Variants in MBNL2 observed in about 807,000 individuals in gnomAD.
The protein encoded by MBNL2 is muscleblind like splicing regulator 2.
A neutral mutation model predicts 41.9 loss-of-function variants in MBNL2; 17 were observed. That is an observed-to-expected ratio of 0.41 (90% CI 0.28 to 0.61). The LOEUF is 0.61. Among genes scored for constraint, MBNL2 ranks in the 20% least tolerant of loss-of-function variants. MBNL2 has a pLI of 0.35. For missense variants in MBNL2, 336 were observed against 505.6 expected (o/e 0.66, Z 3.22); for synonymous variants, 195 against 182.9 (o/e 1.07, Z -0.53).
chr13:97,284,797 C>G (rs1277333638), intron 2 of MBNL2, among the ~76,000 whole-genome samples: 1 of 152,156 alleles, frequency 6.6e-6, no homozygotes, highest in African/African-American at 2.4e-5. Flanking sequence ...TCCATGATTA[C>G]AACATTCTTT....
intron 5 of MBNL2, among the ~76,000 whole-genome samples, chr13:97,350,125 A>C (rs143417077): frequency 3.2e-4 from 48 of 152,350 alleles, no homozygotes; most frequent in African/African-American, 1.1e-3. Context: ...GAGTATCACA[A>C]TAGAACAAAT....
At chr13:97,229,153 C>G (rs770898154) in intron 1 of MBNL2, among the ~76,000 whole-genome samples, 1 of 147,686 alleles carries the variant, frequency 6.8e-6, no homozygotes. Context: ...TAGATGCAAG[C>G]TTCAATTAAT....
In MBNL2 at chr13:97,268,953, C is replaced by T. The variant is rs1178578574; in HGVS notation, c.-604-6679C>T. On this transcript the variant is annotated intron_variant, in intron 1 of 8. Coordinates refer to ENST00000679496, the MANE Select transcript of MBNL2 (RefSeq NM_001382683.1). The surrounding 1 kb of genome is among the most constrained non-coding windows in gnomAD (Gnocchi z 4.6). ...AAGGGAAAGGACGAAGGAGGGGGCG[C>T]TGTTCCGGATGCAGGCCCGTGAGGA... 6.6e-6 allele frequency among the ~76,000 whole-genome samples: 1 copy of T among 152,176 alleles called. No homozygotes were observed. Among genetic ancestry groups the T allele is most frequent in the Non-Finnish European group, 1.5e-5 (1 of 68,026 alleles).
At chr13:97,199,212 C>T in the MBNL2 span, among the ~76,000 whole-genome samples, 1 of 152,192 alleles carries the variant, frequency 6.6e-6, no homozygotes, top group South Asian at 2.1e-4. Flanking sequence ...GAACTGGCTC[C>T]CTTACATCGT....
At chr13:97,251,060 A>G (rs1480545945) in intron 1 of MBNL2, among the ~76,000 whole-genome samples, 1 of 151,804 alleles carries the variant, frequency 6.6e-6, no homozygotes, top group Non-Finnish European at 1.5e-5. Flanking sequence ...GATTTGGTGC[A>G]GCTACTGGGC....
the MBNL2 span, among the ~76,000 whole-genome samples, chr13:97,174,917 C>T: frequency 2.0e-5 from 3 of 152,234 alleles, no homozygotes; most frequent in East Asian, 5.8e-4. Context: ...CTTCAGCTCA[C>T]AGATTACTGG....
At chr13:97,231,805 T>A (rs1483935537) in intron 1 of MBNL2, among the ~76,000 whole-genome samples, 2 of 152,152 alleles carry the variant, frequency 1.3e-5, no homozygotes, top group Admixed American at 6.5e-5. Context: ...AGAGTTGTTT[T>A]TTTTTTTATT....
rs1221088040 is a variant in MBNL2, at chr13:97,393,888, T to C, written c.*2439T>C. On this transcript the variant is annotated 3_prime_UTR_variant, in exon 9 of 9. Transcript: ENST00000679496. ...ACTAACTCTCCACTTGTATGGGAAC[T>C]ACATTTCACTCTTGGTTTTCAGGAT... 6.6e-6 allele frequency: 1 copy of C among 152,576 alleles called. No homozygotes were observed. Among genetic ancestry groups the C allele is most frequent in the Non-Finnish European group, 1.5e-5 (1 of 67,982 alleles). The allele number at this position is 152,576 out of a possible 1,614,324, so 9.5% of individuals were successfully genotyped here. A position where few individuals can be genotyped will look rare whatever the true frequency, so the allele number is the denominator to read the frequency against.
At chr13:97,216,398 TA>T in the MBNL2 span, among the ~76,000 whole-genome samples, 4 of 151,378 alleles carry the variant, frequency 2.6e-5, no homozygotes, top group Admixed American at 6.6e-5. Context: ...ATGAAATAAC[TA>T]GAAAAAAAAG....
At chr13:97,272,884 A>T (rs772829443) in intron 1 of MBNL2, among the ~76,000 whole-genome samples, 80 of 152,204 alleles carry the variant, frequency 5.3e-4, no homozygotes, top group Non-Finnish European at 9.6e-4. Flanking sequence ...TGATCATCTG[A>T]ATTCTGGTGG....
At chr13:97,195,952 A>G in the MBNL2 span, among the ~76,000 whole-genome samples, 4 of 152,330 alleles carry the variant, frequency 2.6e-5, no homozygotes, top group East Asian at 3.9e-4. Flanking sequence ...AAGGACTGCT[A>G]TAGTCCCAGC....
At chr13:97,263,561 A>C (rs1165512867) in intron 1 of MBNL2, among the ~76,000 whole-genome samples, 1 of 152,240 alleles carries the variant, frequency 6.6e-6, no homozygotes, top group Non-Finnish European at 1.5e-5. Flanking sequence ...ACAGGAGTAC[A>C]GGATTTTGAT....
rs187686272 is a variant in MBNL2, at chr13:97,268,431, G to A, written c.-604-7201G>A. 6.6e-5 allele frequency among the ~76,000 whole-genome samples: 10 copies of A among 152,170 alleles called. No homozygotes were observed. The highest frequency in any genetic ancestry group is 1.9e-4 in the East Asian group (1 of 5,170). On this transcript the variant is annotated intron_variant, in intron 1 of 8. Transcript: ENST00000679496. This position sits in a 1 kb window ranked among gnomAD's most constrained non-coding sequence, Gnocchi z 4.6. ...TGTGCATTCCTAACAAGATCCCAGC[G>A]GATGCTGCTGCTGCTGGCCCAGGCA...
intron 2 of MBNL2, among the ~76,000 whole-genome samples, chr13:97,306,002 C>T (rs759010695): frequency 7.9e-5 from 12 of 152,284 alleles, no homozygotes; most frequent in African/African-American, 1.7e-4. Flanking sequence ...GCCCTGAGCC[C>T]GGAGGTGTCC....
chr13:97,302,119 C>G (rs774759975), intron 2 of MBNL2, among the ~76,000 whole-genome samples: 3 of 152,160 alleles, frequency 2.0e-5, no homozygotes, highest in Non-Finnish European at 4.4e-5. Context: ...GCTTCTGCCC[C>G]GTGAAGGCCC....
the MBNL2 span, among the ~76,000 whole-genome samples, chr13:97,189,973 C>T: frequency 6.6e-6 from 1 of 152,226 alleles, no homozygotes; most frequent in Admixed American, 6.5e-5. Flanking sequence ...CACCAGATAG[C>T]TCAGCCTGAT....
intron 5 of MBNL2, among the ~76,000 whole-genome samples, chr13:97,352,744 A>G (rs1447028843): frequency 2.0e-5 from 3 of 152,266 alleles, no homozygotes; most frequent in Non-Finnish European, 2.9e-5. Context: ...AAGTATCTGC[A>G]AAGTACCATA....
intron 2 of MBNL2, among the ~76,000 whole-genome samples, chr13:97,332,136 T>C (rs763611911): frequency 6.6e-6 from 1 of 152,224 alleles, no homozygotes; most frequent in Non-Finnish European, 1.5e-5. Flanking sequence ...ATTAGACCCA[T>C]CTGTGCACCT....
At chr13:97,250,968 C>G (rs2046393092) in intron 1 of MBNL2, among the ~76,000 whole-genome samples, 1 of 151,930 alleles carries the variant, frequency 6.6e-6, no homozygotes, top group Non-Finnish European at 1.5e-5. Flanking sequence ...AACCTGGATG[C>G]CAAATATACA....
Sources: gnomAD v4.1 joint callset for allele counts (sites outside exome capture counted in the v4.1 genomes callset) on GRCh38, gnomAD v4.1.1 for gene constraint, Gnocchi (gnomAD v3.1) non-coding constraint, MANE v1.5 for transcripts, NCBI Gene and HGNC (gene_info 2026-07-23, HGNC 2026-07-21) for gene names.